USP15: variants seen among roughly 807,000 people sequenced by gnomAD.
The protein encoded by USP15 is ubiquitin specific peptidase 15.
Under a neutral mutation model 127.1 loss-of-function variants are expected in USP15, and 18 were observed. The ratio of observed to expected loss-of-function variants is 0.14; its 90% CI spans 0.10 to 0.21. The LOEUF (loss-of-function observed/expected upper bound fraction) is 0.21, where lower values mean the gene tolerates loss of function less well. USP15 is among the 10% of genes least tolerant of loss of function. The probability of loss-of-function intolerance (pLI) is 1.00; values close to 1 mark genes in which losing one functional copy is unlikely to be tolerated. For missense variants in USP15, 805 were observed against 1,159.9 expected (o/e 0.69, Z 4.44); for synonymous variants, 364 against 393.7 (o/e 0.92, Z 0.89).
Position 62,416,264 on chromosome 12 carries a change from G to A in USP15, c.*11889G>A, listed in dbSNP as rs1001655330. ...ACTGCCACCTTGGGCTATAAGTTAC[G>A]TGTGTCTCTTCCCCCACTAGACAAT... On this transcript the variant is annotated 3_prime_UTR_variant, in exon 22 of 22. Transcript: ENST00000280377. 26 of 152,144 alleles carry A rather than the reference G, an allele frequency of 1.7e-4. No homozygotes were observed. Among genetic ancestry groups the A allele is most frequent in the African/African-American group, 4.8e-4 (20 of 41,442 alleles). The allele number at this position is 152,144 out of a possible 1,614,324, so 9.4% of individuals were successfully genotyped here. A position where few individuals can be genotyped will look rare whatever the true frequency, so the allele number is the denominator to read the frequency against.
rs1323439716 is a variant in USP15, at chr12:62,415,781, G to A, written c.*11406G>A. On this transcript the variant is annotated 3_prime_UTR_variant, in exon 22 of 22. Coordinates refer to ENST00000280377, the MANE Select transcript of USP15 (RefSeq NM_001252078.2). ...GGAAACCAAATCCCCATTCACTTAA[G>A]CCATCCACTCCTACCACTGTAATTG... 6.6e-6 allele frequency: 1 copy of A among 152,144 alleles called. No individual in the cohort carries two copies. The highest frequency in any genetic ancestry group is 6.6e-5 in the Admixed American group (1 of 15,264). 9.4% of individuals were successfully genotyped at this position (152,144 alleles called of 1,614,324 possible).
rs1338077083 is a variant in USP15 at position 62,390,883 on chromosome 12, A to G, written c.1864A>G (p.Thr622Ala). 4 of 1,611,228 alleles carry G rather than the reference A, an allele frequency of 2.5e-6. No homozygotes were observed. The African/African-American group carries it at 4.0e-5, about 16-fold the overall frequency. ...CTTAAGCCGATATGTCAAAATATCT[A>G]CTGAAACTGAAGAAACTGAAGGATC... is the stretch of plus-strand genomic sequence containing the variant. ...LRMCRYVKIS[T>A]ETEETEGSLH... The change falls in exon 15 of 22, where the codon ACT (threonine) becomes GCT (alanine). Residue 622 changes from threonine (T) to alanine (A), a missense_variant. Physicochemically the swap from Thr to Ala is moderately conservative, Grantham distance 58. Around this residue, in one of 11 missense-constraint regions of USP15, gnomAD observed 225 missense variants for 239.5 expected, o/e 0.94. Coordinates refer to ENST00000280377, the MANE Select transcript of USP15 (RefSeq NM_001252078.2).
rs2068096660 is a variant in USP15 at position 62,414,006 on chromosome 12, T to C, written c.*9631T>C. On this transcript the variant is annotated 3_prime_UTR_variant, in exon 22 of 22. Transcript: ENST00000280377. The stretch of plus-strand genomic sequence containing the variant: ...GGCCTGGTTTTAATAGTGTTATGTC[T>C]CAGGGAATAGGGAGGCACATGGAGA... 1 of 152,158 alleles carries C rather than the reference T, an allele frequency of 6.6e-6. No homozygotes were observed. Among genetic ancestry groups the C allele is most frequent in the Admixed American group, 6.5e-5 (1 of 15,280 alleles). 9.4% of individuals were successfully genotyped at this position (152,158 alleles called of 1,614,324 possible). A position where few individuals can be genotyped will look rare whatever the true frequency, so the allele number is the denominator to read the frequency against.
intron 7 of USP15, among the ~76,000 whole-genome samples, chr12:62,354,749 C>T (rs1385300395): frequency 6.6e-6 from 1 of 151,894 alleles, no homozygotes; most frequent in East Asian, 1.9e-4. Flanking sequence ...TGCGTGGAAT[C>T]ATTTTTGCAT....
At chr12:62,378,949 C>T (rs1422324153) in intron 8 of USP15, among the ~76,000 whole-genome samples, 2 of 151,974 alleles carry the variant, frequency 1.3e-5, no homozygotes, top group Non-Finnish European at 2.9e-5. Context: ...ATGATCAGTG[C>T]TACGTGACAT....
intron 8 of USP15, among the ~76,000 whole-genome samples, chr12:62,375,829 TCAAAACCA>T (rs2066810992): frequency 2.0e-5 from 3 of 152,144 alleles, no homozygotes; most frequent in Non-Finnish European, 4.4e-5. Flanking sequence ...CAAAGCCAGT[TCAAAACCA>T]CAAAACCACT....
chr12:62,326,636 A>G (rs886116859), intron 6 of USP15, among the ~76,000 whole-genome samples: 1 of 152,238 alleles, frequency 6.6e-6, no homozygotes, highest in African/African-American at 2.4e-5. Flanking sequence ...ATAGCATTAT[A>G]TCAGTTCAGG....
At chr12:62,297,998 A>C (rs1228601780) in intron 2 of USP15, among the ~76,000 whole-genome samples, 1 of 152,224 alleles carries the variant, frequency 6.6e-6, no homozygotes, top group Non-Finnish European at 1.5e-5. Context: ...CAAATTTTGG[A>C]ATACGATAAC....
intron 8 of USP15, among the ~76,000 whole-genome samples, chr12:62,356,683 T>C (rs780083120): frequency 1.4e-4 from 22 of 152,028 alleles, no homozygotes; most frequent in Non-Finnish European, 2.4e-4. Context: ...ATCCTGCTCA[T>C]AGTATAGTGT....
chr12:62,346,256 A>G (rs965759191), intron 6 of USP15, among the ~76,000 whole-genome samples: 3 of 152,244 alleles, frequency 2.0e-5, no homozygotes, highest in Admixed American at 6.5e-5. Flanking sequence ...AATAAAATCA[A>G]TAATTTTTTA....
intron 2 of USP15, 71 bp downstream of exon 2, chr12:62,294,377 A>G: frequency 6.5e-7 from 1 of 1,540,276 alleles, no homozygotes; most frequent in African/African-American, 1.4e-5. Context: ...AGTGGGTTGA[A>G]TTTGGAAAAT....
intron 1 of USP15, among the ~76,000 whole-genome samples, chr12:62,261,520 A>G (rs1172151239): frequency 2.0e-5 from 3 of 152,192 alleles, no homozygotes; most frequent in Non-Finnish European, 4.4e-5. Flanking sequence ...AGGAACAGTA[A>G]GATTTAGACC....
At chr12:62,399,830 C>T (rs921946608) in intron 20 of USP15, among the ~76,000 whole-genome samples, 6 of 152,030 alleles carry the variant, frequency 3.9e-5, no homozygotes, top group Non-Finnish European at 7.4e-5. Context: ...GTTGGCTGGT[C>T]GGTTGATTGG....
At chr12:62,270,479 A>T (rs556468843) in intron 1 of USP15, among the ~76,000 whole-genome samples, 1 of 152,122 alleles carries the variant, frequency 6.6e-6, no homozygotes, top group East Asian at 1.9e-4. Flanking sequence ...TTCTTTTCCA[A>T]GTTTTGTAGT....
At chr12:62,359,907 T>C (rs959470153) in intron 8 of USP15, among the ~76,000 whole-genome samples, 1 of 152,124 alleles carries the variant, frequency 6.6e-6, no homozygotes, top group African/African-American at 2.4e-5. Context: ...GTCCCATTGG[T>C]TCAAATAATA....
intron 1 of USP15, among the ~76,000 whole-genome samples, chr12:62,262,333 G>T (rs912376739): frequency 6.6e-6 from 1 of 152,160 alleles, no homozygotes; most frequent in African/African-American, 2.4e-5. Context: ...GTTTACCTTG[G>T]CTTGTGGTAA....
At chr12:62,275,873 G>A (rs1310934886) in intron 1 of USP15, among the ~76,000 whole-genome samples, 1 of 152,030 alleles carries the variant, frequency 6.6e-6, no homozygotes, top group African/African-American at 2.4e-5. Flanking sequence ...AACCTAATGG[G>A]TTAGAGACTA....
chr12:62,323,726 T>A (rs917230631), intron 5 of USP15, among the ~76,000 whole-genome samples: 1 of 152,190 alleles, frequency 6.6e-6, no homozygotes, highest in African/African-American at 2.4e-5. Context: ...ATAGAATTCT[T>A]TATTTAAACC....
intron 1 of USP15, among the ~76,000 whole-genome samples, chr12:62,283,785 A>G (rs2063718586): frequency 6.6e-6 from 1 of 152,186 alleles, no homozygotes; most frequent in Non-Finnish European, 1.5e-5. Context: ...TTTACTAAAA[A>G]TAGAAAAATT....
Sources: gnomAD v4.1 joint callset for allele counts (sites outside exome capture counted in the v4.1 genomes callset) on GRCh38, gnomAD v4.1.1 for gene constraint, gnomAD v4.1.1 regional missense constraint, MANE v1.5 for transcripts, NCBI Gene and HGNC (gene_info 2026-07-23, HGNC 2026-07-21) for gene names.